MMUT: variants seen among roughly 807,000 people sequenced by gnomAD.
MMUT encodes methylmalonyl-CoA mutase, mitochondrial.
MMUT carries 79 observed loss-of-function variants against 79.9 expected under a neutral mutation model. The observed-to-expected ratio is 0.99, with a 90% CI of 0.82 to 1.19. The LOEUF is 1.19. Ranked by LOEUF, MMUT falls within the 50% of genes most tolerant of loss-of-function variation. MMUT has a pLI of 0.00. For synonymous variants in MMUT, 273 were observed against 295.7 expected (o/e 0.92, Z 0.79); for missense variants, 860 against 917.2 (o/e 0.94, Z 0.81).
rs866933356 is a variant in MMUT, at chr6:49,451,641, T to C, written c.1157A>G (p.His386Arg). 1 of 1,614,144 alleles carries C rather than the reference T, an allele frequency of 6.2e-7. No individual in the cohort carries two copies. Among genetic ancestry groups the C allele is most frequent in the East Asian group, 2.2e-5 (1 of 44,876 alleles). The part of the protein sequence containing the change: ...AAVFGGTQSL[H>R]TNSFDEALGL... ...CAAAGCTTCATCAAAAGAATTTGTG[T>C]GCAAAGACTGAGTCCCTCCAAATAC... Residue 386 changes from histidine (H) to arginine (R), a missense_variant, in exon 6 of 13, where the codon CAC becomes CGC. Coordinates refer to ENST00000274813, the MANE Select transcript of MMUT (RefSeq NM_000255.4).
At chr6:49,451,282 T>C (rs1767543700) in intron 6 of MMUT, among the ~76,000 whole-genome samples, 184 bp downstream of exon 6, 1 of 152,194 alleles carries the variant, frequency 6.6e-6, no homozygotes. Context: ...ATGGATTGTT[T>C]TGAAAACTAT....
chr6:49,453,097 A>T (rs961048369), intron 5 of MMUT, among the ~76,000 whole-genome samples: 2 of 139,704 alleles, frequency 1.4e-5, no homozygotes, highest in Non-Finnish European at 3.0e-5. Context: ...GCTGGAGTGC[A>T]GTGGCGTCAT....
At chr6:49,441,516 A>G (rs1581822575) in intron 10 of MMUT, among the ~76,000 whole-genome samples, 1 of 151,296 alleles carries the variant, frequency 6.6e-6, no homozygotes, top group East Asian at 1.9e-4. Context: ...TCAAAATAGT[A>G]TTAATTATAT....
Position 49,449,246 on chromosome 6 carries a change from G to A in MMUT, c.1333-319C>T, listed in dbSNP as rs564581595. 3.7e-3 allele frequency among the ~76,000 whole-genome samples: 559 copies of A among 152,158 alleles called. No individual in the cohort carries two copies. The highest frequency in any genetic ancestry group is 0.013 in the African/African-American group (539 of 41,556). ...AAGTTTTCATAATTACATAAAGTCT[G>A]TAAGAAAAATATATTTTAAAATGCA... is the stretch of plus-strand genomic sequence containing the variant. On this transcript the variant is annotated intron_variant, in intron 6 of 12. Coordinates refer to ENST00000274813, the MANE Select transcript of MMUT (RefSeq NM_000255.4).
intron 8 of MMUT, among the ~76,000 whole-genome samples, chr6:49,445,203 G>A (rs1767381323): frequency 6.6e-6 from 1 of 151,984 alleles, no homozygotes; most frequent in South Asian, 2.1e-4. Flanking sequence ...ACAATGTATT[G>A]ATAATAATAT....
intron 12 of MMUT, among the ~76,000 whole-genome samples, chr6:49,434,015 T>C (rs1236958299): frequency 1.3e-5 from 2 of 152,186 alleles, no homozygotes; most frequent in African/African-American, 4.8e-5. Context: ...TGAAATATAA[T>C]TCTTGAAAAT....
rs79410182 is a variant in MMUT at position 49,456,244 on chromosome 6, A to T, written c.754-7T>A. 14 of 1,228,782 alleles carry T rather than the reference A, an allele frequency of 1.1e-5. No homozygotes were observed. The highest frequency in any genetic ancestry group is 4.6e-5 in the African/African-American group (3 of 64,968). The allele number at this position is 1,228,782 out of a possible 1,614,324, so 76.1% of individuals were successfully genotyped here. ...AATTAAATTTTGGCATGTGCTACAT[A>T]AAAAAAAAAATTGTAACAGTGAATA... On this transcript the variant is annotated splice_polypyrimidine_tract_variant and splice_region_variant and intron_variant, in intron 3 of 12. Transcript: ENST00000274813.
At chr6:49,447,905 C>CA (rs1767452065) in intron 7 of MMUT, 120 bp from the exon 8 acceptor site, 5 of 663,124 alleles carry the variant, frequency 7.5e-6, no homozygotes, top group African/African-American at 1.8e-5. Context: ...ATTCTTAATG[C>CA]AACTTCAATA....
intron 8 of MMUT, among the ~76,000 whole-genome samples, chr6:49,446,851 T>C (rs1371728265): frequency 6.6e-6 from 1 of 151,620 alleles, no homozygotes; most frequent in East Asian, 1.9e-4. Context: ...ATAAATACTA[T>C]TAGATTTTTA....
At chr6:49,461,431 G>C (rs1272343608) in intron 1 of MMUT, among the ~76,000 whole-genome samples, 2 of 152,142 alleles carry the variant, frequency 1.3e-5, no homozygotes, top group African/African-American at 4.8e-5. Context: ...AGTGCAACAG[G>C]TTCAACTATG....
intron 1 of MMUT, among the ~76,000 whole-genome samples, chr6:49,461,007 A>G (rs1355681157): frequency 6.6e-6 from 1 of 152,264 alleles, no homozygotes; most frequent in Non-Finnish European, 1.5e-5. Flanking sequence ...TGTTTCCTAT[A>G]GTTTTATTTG....
Position 49,453,619 on chromosome 6 carries a change from T to A in MMUT, c.1049A>T (p.His350Leu), listed in dbSNP as rs1767612771. The change falls in exon 5 of 13, where the codon CAC becomes CTC. Residue 350 changes from histidine to leucine, a missense_variant. Transcript: ENST00000274813. ...KNSKSLLLRA[H>L]CQTSGWSLTE... ...AAGTGACCATCCAGATGTCTGACAG[T>A]GTGCTCTTAGAAGAAGAGATTTTGA... 2 of 1,612,348 alleles carry A rather than the reference T, an allele frequency of 1.2e-6. No homozygotes were observed. The highest frequency in any genetic ancestry group is 2.7e-5 in the African/African-American group (2 of 74,850).
chr6:49,456,061 C>G lies in MMUT; in HGVS notation c.911+19G>C. ...GCATTTCTTAATGTTGAAACAATAT[C>G]TAGGTTTAATTTACTCACCTTGGTG... On this transcript the variant is annotated intron_variant, in intron 4 of 12. Transcript: ENST00000274813. The G allele has an allele frequency of 6.3e-7, 1 of 1,598,792 alleles. No individual in the cohort carries two copies. Among genetic ancestry groups the G allele is most frequent in the Non-Finnish European group, 8.6e-7 (1 of 1,166,432 alleles).
intron 8 of MMUT, among the ~76,000 whole-genome samples, chr6:49,445,984 T>C (rs1342918791): frequency 6.6e-6 from 1 of 152,032 alleles, no homozygotes; most frequent in Non-Finnish European, 1.5e-5. Flanking sequence ...GGTGCTATTG[T>C]AGATATTGGA....
At chr6:49,445,877 A>T (rs1384693891) in intron 8 of MMUT, among the ~76,000 whole-genome samples, 2 of 152,022 alleles carry the variant, frequency 1.3e-5, no homozygotes, top group Non-Finnish European at 2.9e-5. Context: ...ATTTTTCTTT[A>T]TCTTTTATTG....
In MMUT at chr6:49,431,778, C is replaced by CCGTT; in HGVS notation, c.2202_2203insAACG (p.Val735AsnfsTer4). On this transcript the variant is annotated frameshift_variant, in exon 13 of 13. Transcript: ENST00000274813. LOFTEE classifies it high-confidence loss of function. ...AAACACTTCTCAATATCATCAAGCA[C>CCGTT]CTGAACGGCAGCCTTTGGAATTCGA... 2 of 1,613,992 alleles carry CCGTT rather than the reference C, an allele frequency of 1.2e-6. No homozygotes were observed. Among genetic ancestry groups the CCGTT allele is most frequent in the Non-Finnish European group, 1.7e-6 (2 of 1,179,952 alleles).
At chr6:49,452,838 A>C (rs1439977310) in intron 5 of MMUT, among the ~76,000 whole-genome samples, 1 of 152,152 alleles carries the variant, frequency 6.6e-6, no homozygotes, top group East Asian at 1.9e-4. Flanking sequence ...TAAATTACCC[A>C]AGTAAAAACA....
intron 5 of MMUT, among the ~76,000 whole-genome samples, chr6:49,453,012 A>C (rs1581831289): frequency 6.7e-6 from 1 of 148,694 alleles, no homozygotes; most frequent in Non-Finnish European, 1.5e-5. Context: ...CCTTCTCATC[A>C]TCAAATTCTG....
intron 3 of MMUT, among the ~76,000 whole-genome samples, chr6:49,456,755 C>T (rs187202978): frequency 9.5e-4 from 145 of 152,214 alleles, no homozygotes; most frequent in Admixed American, 1.4e-3. Context: ...ATTCTTAGTA[C>T]TATATGTTGA....
Sources: allele counts gnomAD v4.1 joint callset (sites outside exome capture counted in the v4.1 genomes callset), GRCh38; gene constraint gnomAD v4.1.1; transcripts MANE v1.5; gene names NCBI Gene and HGNC (gene_info 2026-07-23, HGNC 2026-07-21).